The following SPRY3 variants were observed in gnomAD, a reference collection of about 807,000 sequenced individuals.
SPRY3 encodes the protein protein sprouty homolog 3.
Under a neutral mutation model 20.2 loss-of-function variants are expected in SPRY3, and 15 were observed. That is an observed-to-expected ratio of 0.74 (90% CI 0.50 to 1.14). The LOEUF is 1.14. SPRY3 is among the 50% of genes most tolerant of loss of function. The pLI is 0.00. For missense variants in SPRY3, 364 were observed against 363.9 expected, an observed-to-expected ratio of 1.00 and a Z score of 0.00; for synonymous variants, 143 against 136.5, an observed-to-expected ratio of 1.05 and a Z score of -0.33.
At chrX:155,661,678 A>G (rs1447729881) in intron 2 of SPRY3, among the ~76,000 whole-genome samples, 2 of 111,439 alleles carry the variant, frequency 1.8e-5, no homozygotes, top group Non-Finnish European at 3.8e-5. Flanking sequence ...ATGACCTTGT[A>G]TGGTTGGTCA....
chrX:155,736,089 T>C (rs2091167321), intron 2 of SPRY3, among the ~76,000 whole-genome samples: 1 of 151,994 alleles, frequency 6.6e-6, no homozygotes, highest in African/African-American at 2.4e-5. Flanking sequence ...AGGTACCTTA[T>C]AAAAAATATT....
rs189378116 is a variant in SPRY3, at chrX:155,740,920, G to A, written c.-281-27042G>A. 2.3e-4 allele frequency among the ~76,000 whole-genome samples: 35 copies of A among 152,124 alleles called. 1 individual carries two copies. The highest frequency in any genetic ancestry group is 1.6e-3 in the Admixed American group (24 of 15,282). ...TCCTACCGATATGTGATGTCACCCC[G>A]GAGGCCCAGCTGTAAAATTCCTCTG... is the stretch of plus-strand genomic sequence containing the variant. On this transcript the variant is annotated intron_variant, in intron 2 of 3. Coordinates refer to ENST00000675360, the Ensembl canonical transcript of SPRY3.
At chrX:155,737,321 G>A (rs2091176246) in intron 2 of SPRY3, among the ~76,000 whole-genome samples, 1 of 152,026 alleles carries the variant, frequency 6.6e-6, no homozygotes, top group Admixed American at 6.6e-5. Context: ...TTGAACATCA[G>A]TATGATTCAG....
intron 2 of SPRY3, among the ~76,000 whole-genome samples, chrX:155,730,979 C>T (rs1418469105): frequency 6.6e-6 from 1 of 151,792 alleles, no homozygotes; most frequent in Non-Finnish European, 1.5e-5. Context: ...GCAATGAAAA[C>T]TATAAAATAT....
chrX:155,647,978 C>A (rs943163573), intron 1 of SPRY3, among the ~76,000 whole-genome samples: 1 of 111,612 alleles, frequency 9.0e-6, no homozygotes. Flanking sequence ...TGTTTCCTGA[C>A]TTTTTAATGA....
intron 1 of SPRY3, among the ~76,000 whole-genome samples, chrX:155,621,009 A>G (rs1557349360): frequency 9.0e-6 from 1 of 111,695 alleles, no homozygotes; most frequent in African/African-American, 3.3e-5. Context: ...ATGCTACTAT[A>G]TATACCAGTG....
At chrX:155,676,254 C>A (rs1445057063) in intron 2 of SPRY3, among the ~76,000 whole-genome samples, 1 of 110,822 alleles carries the variant, frequency 9.0e-6, no homozygotes, top group African/African-American at 3.3e-5. Flanking sequence ...TTTTTTTCAT[C>A]TATCTTGGGT....
chrX:155,773,005 A>G (rs1288756684), intron 3 of SPRY3, among the ~76,000 whole-genome samples: 2 of 152,010 alleles, frequency 1.3e-5, no homozygotes, highest in Non-Finnish European at 2.9e-5. Flanking sequence ...CACGTGTACA[A>G]AAGTTTGATT....
At chrX:155,744,851 T>C (rs2091218702) in intron 2 of SPRY3, among the ~76,000 whole-genome samples, 1 of 152,030 alleles carries the variant, frequency 6.6e-6, no homozygotes, top group Non-Finnish European at 1.5e-5. Flanking sequence ...AATGCTTAGA[T>C]TTTTCATGCT....
exon 4 of SPRY3, chrX:155,774,297 G>T: frequency 6.2e-7 from 1 of 1,614,036 alleles, no homozygotes; most frequent in Non-Finnish European, 8.5e-7. Flanking sequence ...ACCCTAGTGA[G>T]CACCTCTTCA....
chrX:155,683,959 T>C (rs181674287), intron 2 of SPRY3, among the ~76,000 whole-genome samples: 4 of 109,546 alleles, frequency 3.7e-5, no homozygotes, highest in Admixed American at 2.9e-4. Flanking sequence ...CAAAGAACTG[T>C]TTTCATCAGG....
intron 2 of SPRY3, among the ~76,000 whole-genome samples, chrX:155,766,229 A>G (rs2091328235): frequency 6.6e-6 from 1 of 152,202 alleles, no homozygotes; most frequent in Non-Finnish European, 1.5e-5. Context: ...ACACAGGAGC[A>G]TGCAGACCCA....
rs1269924294 is a variant in SPRY3 at position 155,692,065 on chromosome X, C to G, written c.-282+35040C>G. On this transcript the variant is annotated intron_variant, in intron 2 of 3. Coordinates refer to ENST00000675360, the Ensembl canonical transcript of SPRY3. ...GAAAGATAACTATTACATATTCTTA[C>G]TCATATTGGGAGCTTAAAAAATGAA... Among the ~76,000 whole-genome samples, 5 of 107,407 alleles carry G rather than the reference C, an allele frequency of 4.7e-5. No homozygotes were observed. In the Admixed American group the frequency reaches 5.0e-4, roughly 11 times the overall value. The allele number at this position is 107,407 out of a possible 115,157, so 93.3% of individuals were successfully genotyped here.
At chrX:155,753,244 G>A (rs1206857887) in intron 2 of SPRY3, among the ~76,000 whole-genome samples, 1 of 151,802 alleles carries the variant, frequency 6.6e-6, no homozygotes, top group Non-Finnish European at 1.5e-5. Context: ...CCCATTAGAA[G>A]TCACTCACAA....
chrX:155,665,275 T>C (rs148915445), intron 2 of SPRY3, among the ~76,000 whole-genome samples: 2,875 of 111,078 alleles, frequency 0.026, 100 homozygotes, highest in Admixed American at 0.12. Context: ...TTGTTACTAA[T>C]TGTAAATTGG....
intron 1 of SPRY3, among the ~76,000 whole-genome samples, chrX:155,629,237 A>T (rs1418305055): frequency 1.0e-5 from 1 of 95,479 alleles, no homozygotes; most frequent in Non-Finnish European, 2.0e-5. Flanking sequence ...ATTCCCACCT[A>T]TGAGTGAGAA....
At chrX:155,699,751 C>T (rs557132) in intron 2 of SPRY3, among the ~76,000 whole-genome samples, 36,248 of 109,440 alleles carry the variant, frequency 0.33, 5,246 homozygotes, top group African/African-American at 0.54. Context: ...ACAACTACAG[C>T]TGGGGAGAGT....
chrX:155,721,281 T>C (rs2091055449), intron 2 of SPRY3, among the ~76,000 whole-genome samples: 1 of 151,642 alleles, frequency 6.6e-6, no homozygotes, highest in Non-Finnish European at 1.5e-5. Flanking sequence ...ATAAAAACAA[T>C]GAAGCATACT....
chrX:155,633,537 G>T (rs782018159), intron 1 of SPRY3, among the ~76,000 whole-genome samples: 1 of 110,877 alleles, frequency 9.0e-6, no homozygotes, highest in African/African-American at 3.3e-5. Context: ...GCCATTTACC[G>T]TGGTGACAGC....
Sources: gnomAD v4.1 joint callset for allele counts (sites outside exome capture counted in the v4.1 genomes callset) on GRCh38, gnomAD v4.1.1 for gene constraint, MANE v1.5 for transcripts, NCBI Gene and HGNC (gene_info 2026-07-23, HGNC 2026-07-21) for gene names.